Variants in TRMT11 observed in about 807,000 individuals in gnomAD.
TRMT11 encodes the protein tRNA (guanine(10)-N(2))-methyltransferase TRMT11.
In TRMT11, 53 loss-of-function variants were observed where a neutral mutation model predicts 62.8. That is an observed-to-expected ratio of 0.84 (90% confidence interval 0.68 to 1.06). The LOEUF (loss-of-function observed/expected upper bound fraction) is 1.06. TRMT11 is among the 50% of genes least tolerant of loss of function. The probability of loss-of-function intolerance (pLI) is 0.00; values close to 1 mark genes in which losing one functional copy is unlikely to be tolerated. For synonymous variants in TRMT11, 188 were observed against 190.3 expected, an observed-to-expected ratio of 0.99 and a Z score of 0.10; for missense variants, 556 against 553.4, an observed-to-expected ratio of 1.00 and a Z score of -0.05.
chr6:126,079,997 C>T (rs1017361781), intron 17 of TRMT11, among the ~76,000 whole-genome samples: 1 of 152,088 alleles, frequency 6.6e-6, no homozygotes, highest in African/African-American at 2.4e-5. Context: ...TGGCTAACTA[C>T]CAGGGTGATT....
intron 21 of TRMT11, among the ~76,000 whole-genome samples, chr6:126,166,465 C>A (rs1286403060): frequency 6.6e-6 from 1 of 152,140 alleles, no homozygotes; most frequent in Admixed American, 6.5e-5. Flanking sequence ...CCAGCGGAGG[C>A]TGCAGAACAA....
At chr6:126,261,329 G>T in the TRMT11 span, among the ~76,000 whole-genome samples, 1 of 151,858 alleles carries the variant, frequency 6.6e-6, no homozygotes, top group Non-Finnish European at 1.5e-5. Flanking sequence ...ATAATGAATT[G>T]CTTTTCTGAT....
At chr6:125,991,130 C>A (rs1790553505) in intron 1 of TRMT11, among the ~76,000 whole-genome samples, 1 of 151,610 alleles carries the variant, frequency 6.6e-6, no homozygotes, top group African/African-American at 2.4e-5. Flanking sequence ...CCTGTAATCT[C>A]AGCTACCCAA....
At chr6:126,067,767 A>G (rs1052387734) in intron 17 of TRMT11, among the ~76,000 whole-genome samples, 7 of 152,136 alleles carry the variant, frequency 4.6e-5, no homozygotes, top group Non-Finnish European at 8.8e-5. Context: ...ATGCCAAATT[A>G]TTTTCCAAAG....
In TRMT11 at chr6:126,024,309, T is replaced by G. The variant is rs923003518; in HGVS notation, c.1260+3029T>G. Among the ~76,000 whole-genome samples the G allele has an allele frequency of 2.3e-4, 35 of 152,132 alleles. 1 individual carries two copies. Among genetic ancestry groups the G allele is most frequent in the Admixed American group, 2.2e-3 (33 of 15,272 alleles). ...GTTCTGGAGGCTGGAAATTCAAGAG[T>G]AAGGTGTCAGCAGACTTGGCTTCTT... On this transcript the variant is annotated intron_variant, in intron 12 of 12. Coordinates refer to ENST00000334379, the MANE Select transcript of TRMT11 (RefSeq NM_001031712.3).
chr6:126,111,426 C>A (rs1244116277), intron 17 of TRMT11, among the ~76,000 whole-genome samples: 1 of 152,058 alleles, frequency 6.6e-6, no homozygotes, highest in Non-Finnish European at 1.5e-5. Context: ...TAGACACCCC[C>A]CACACTTTTT....
At chr6:126,176,137 G>A (rs565576038), upstream of TRMT11, among the ~76,000 whole-genome samples, 3 of 152,102 alleles carry the variant, frequency 2.0e-5, no homozygotes, top group Non-Finnish European at 4.4e-5. Flanking sequence ...AAAAGAAATT[G>A]GTACAAGACT....
intron 1 of TRMT11, among the ~76,000 whole-genome samples, chr6:126,185,911 G>T (rs1476208616): frequency 6.6e-6 from 1 of 152,106 alleles, no homozygotes; most frequent in African/African-American, 2.4e-5. Context: ...TTACTAACAT[G>T]AGAACAGCAT....
intron 17 of TRMT11, among the ~76,000 whole-genome samples, chr6:126,093,581 GTATGTATATATATATATATA>G (rs1314437087): frequency 2.7e-5 from 1 of 37,070 alleles, no homozygotes; most frequent in Non-Finnish European, 5.5e-5. Context: ...AACAGGATAT[GTATGTATATATATATATATA>G]TATATATATA....
At chr6:126,043,498 G>C (rs1583837072), downstream of TRMT11, among the ~76,000 whole-genome samples, 1 of 148,014 alleles carries the variant, frequency 6.8e-6, no homozygotes, top group Non-Finnish European at 1.5e-5. Context: ...ATTGTGAATA[G>C]TGCCGCAATA....
chr6:126,008,690 C>T (rs1001900210), intron 8 of TRMT11: 2 of 687,582 alleles, frequency 2.9e-6, no homozygotes, highest in African/African-American at 3.5e-5. Flanking sequence ...GGATGAAGAC[C>T]TTTATGATGA....
chr6:126,195,111 G>A (rs981385560), intron 1 of TRMT11, among the ~76,000 whole-genome samples: 2 of 152,150 alleles, frequency 1.3e-5, no homozygotes, highest in Admixed American at 1.3e-4. Context: ...GTGAGACCCT[G>A]TTATAAAAGT....
chr6:126,153,953 G>A (rs1006106885), intron 21 of TRMT11, among the ~76,000 whole-genome samples: 3 of 152,148 alleles, frequency 2.0e-5, no homozygotes, highest in Non-Finnish European at 4.4e-5. Context: ...CTGTCAGTGA[G>A]TCATTCTCAC....
At chr6:126,089,738 CATT>C (rs1311641468) in intron 17 of TRMT11, among the ~76,000 whole-genome samples, 2 of 152,202 alleles carry the variant, frequency 1.3e-5, no homozygotes, top group Non-Finnish European at 2.9e-5. Context: ...AACTGTAAGT[CATT>C]AGGAATTTAT....
At chr6:126,037,740 G>A (rs1212052292) in intron 12 of TRMT11, among the ~76,000 whole-genome samples, 2 of 151,616 alleles carry the variant, frequency 1.3e-5, no homozygotes, top group Non-Finnish European at 2.9e-5. Flanking sequence ...GAAAAATGAA[G>A]GTACTCATTT....
At chr6:126,115,770 C>T (rs769143084) in exon 21 of TRMT11, among the ~76,000 whole-genome samples, 2 of 152,052 alleles carry the variant, frequency 1.3e-5, no homozygotes, top group Non-Finnish European at 2.9e-5. Flanking sequence ...AAGAGGACCA[C>T]AAGCCTGCCA....
intron 17 of TRMT11, among the ~76,000 whole-genome samples, chr6:126,099,606 G>T (rs559133168): frequency 6.6e-6 from 1 of 152,236 alleles, no homozygotes; most frequent in East Asian, 1.9e-4. Context: ...AATTAGCCAG[G>T]CATGCTGGCA....
At chr6:126,248,523 T>G in the TRMT11 span, among the ~76,000 whole-genome samples, 1 of 152,102 alleles carries the variant, frequency 6.6e-6, no homozygotes, top group African/African-American at 2.4e-5. Context: ...CAAAGTCACC[T>G]TTCAGTGAGT....
chr6:126,188,957 TGAAAA>T (rs2128245417), intron 1 of TRMT11, among the ~76,000 whole-genome samples: 1 of 152,016 alleles, frequency 6.6e-6, no homozygotes, highest in South Asian at 2.1e-4. Context: ...ATTTTAAACA[TGAAAA>T]GAAAAGGGTA....
Sources: gnomAD v4.1 joint callset for allele counts (sites outside exome capture counted in the v4.1 genomes callset) on GRCh38, gnomAD v4.1.1 for gene constraint, MANE v1.5 for transcripts, NCBI Gene and HGNC (gene_info 2026-07-23, HGNC 2026-07-21) for gene names.